BOP1: variants seen among roughly 807,000 people sequenced by gnomAD.
The protein encoded by BOP1 is ribosome biogenesis protein BOP1.
Under a neutral mutation model 82.9 loss-of-function variants are expected in BOP1, and 54 were observed. The ratio of observed to expected loss-of-function variants is 0.65; its 90% CI spans 0.52 to 0.82. The LOEUF (loss-of-function observed/expected upper bound fraction) is 0.82. Among genes scored for constraint, BOP1 ranks in the 40% least tolerant of loss-of-function variants. BOP1 has a pLI of 0.00. For missense variants in BOP1, 1,170 were observed against 1,072.0 expected (o/e 1.09, Z -1.28); for synonymous variants, 566 against 451.1 (o/e 1.25, Z -3.23).
At chr8:144,264,658 G>A (rs1372703426) in intron 5 of BOP1, 42 bp from the exon 6 acceptor site, 10 of 1,568,446 alleles carry the variant, frequency 6.4e-6, no homozygotes, top group South Asian at 1.2e-5. Flanking sequence ...AGTGGCTGAG[G>A]CCCTGCTGGT....
In BOP1 at chr8:144,264,828, G is replaced by A. The variant is rs1019158756; in HGVS notation, c.549C>T (p.Arg183=). 8.7e-6 allele frequency: 14 copies of A among 1,609,180 alleles called. No individual in the cohort carries two copies. The highest frequency in any genetic ancestry group is 7.7e-5 in the South Asian group (7 of 90,828). The change falls in exon 5 of 16, where the codon CGC becomes CGT. Residue 183 remains arginine, a synonymous_variant. Transcript: ENST00000569669. ...GCCCTGTCATCGGGTCCTGCACGGT[G>A]CGCCTGGAGACCGCCAGTCAGACCC... The part of the protein sequence containing the change: ...LDKMDDPDYW[R]TVQDPMTGRD...
rs782805509 is a variant in BOP1, at chr8:144,263,017, C to T, written c.1730G>A (p.Arg577His). The T allele has an allele frequency of 3.0e-3, 4,716 of 1,561,346 alleles. 71 individuals are homozygous for T. The African/African-American group carries it at 0.045, about 15-fold the overall frequency. The change falls in exon 13 of 16, where the codon CGC becomes CAC. Residue 577 changes from arginine (R) to histidine (H), a missense_variant. Arg to His is a conservative substitution (Grantham distance 29, BLOSUM62 0). Transcript: ENST00000569669. Reference sequence around the variant, plus strand: ...CACTCGCTGCACCTGTCCGTGGCTGCGGCGGAACGGACTCTGGCTGCGGCG... The same window carrying T: ...CACTCGCTGCACCTGTCCGTGGCTGTGGCGGAACGGACTCTGGCTGCGGCG... ...SRRRSQSPFR[R>H]SHGQVQRVAF...
At position 144,286,330 on chromosome 8, in the gene BOP1, G is replaced by A. The variant is rs371241968; in HGVS notation, c.309+2765C>T. On this transcript the variant is annotated intron_variant, in intron 2 of 15. Transcript: ENST00000569669. Reference sequence around the variant, plus strand: ...GCACAGGACACGCGGGCAGATGCACGGGCGCCATGGCAGGGCAGGGCCTCA... The same window carrying A: ...GCACAGGACACGCGGGCAGATGCACAGGCGCCATGGCAGGGCAGGGCCTCA... Among the ~76,000 whole-genome samples the A allele has an allele frequency of 7.9e-5, 12 of 151,950 alleles. No homozygotes were observed. The East Asian group carries it at 1.5e-3, about 20-fold the overall frequency.
intron 3 of BOP1, among the ~76,000 whole-genome samples, chr8:144,266,397 T>G: frequency 6.9e-6 from 1 of 145,792 alleles, no homozygotes; most frequent in East Asian, 2.2e-4. Context: ...GGGCGGGGCG[T>G]GCGCGGGGGA....
intron 3 of BOP1, chr8:144,268,017 T>C: frequency 1.3e-6 from 2 of 1,543,122 alleles, no homozygotes; most frequent in Non-Finnish European, 1.8e-6. Flanking sequence ...GCTGGCCACC[T>C]GAGATGGCAC....
chr8:144,263,001 C>A lies in BOP1; in HGVS notation c.1746G>T (p.Val582=). The A allele has an allele frequency of 1.3e-6, 2 of 1,557,886 alleles. No homozygotes were observed. Among genetic ancestry groups the A allele is most frequent in the Non-Finnish European group, 1.7e-6 (2 of 1,159,516 alleles). The part of the protein sequence containing the change: ...QSPFRRSHGQ[V]QRVAFHPARP... Reference sequence around the variant, plus strand: ...GGGCAGGGTGGAAGGCCACTCGCTGCACCTGTCCGTGGCTGCGGCGGAACG... The same window carrying A: ...GGGCAGGGTGGAAGGCCACTCGCTGAACCTGTCCGTGGCTGCGGCGGAACG... The change falls in exon 13 of 16, where the codon GTG becomes GTT. Residue 582 remains valine (V), a synonymous_variant. Coordinates refer to ENST00000569669, the MANE Select transcript of BOP1 (RefSeq NM_015201.5).
chr8:144,281,033 A>ATACCAGGTCTTCGGCCTTCTCTCACTTTC (rs1845664992), intron 2 of BOP1, among the ~76,000 whole-genome samples: 3,624 of 52,096 alleles, frequency 0.07, 130 homozygotes, highest in Middle Eastern at 0.092. Context: ...CTCTCACTTT[A>ATACCAGGTCTTCGGCCTTCTCTCACTTTC]ATACCAGGTC....
chr8:144,268,066 C>T, intron 3 of BOP1: 3 of 1,549,446 alleles, frequency 1.9e-6, no homozygotes, highest in Non-Finnish European at 2.6e-6. Flanking sequence ...TGGCGCTGGG[C>T]TCTGCCGGGG....
intron 3 of BOP1, among the ~76,000 whole-genome samples, chr8:144,275,873 A>T (rs1224734214): frequency 1.4e-5 from 1 of 73,076 alleles, no homozygotes; most frequent in Non-Finnish European, 2.6e-5. Flanking sequence ...CATGACCCCC[A>T]CCCAGACCAT....
chr8:144,267,661 G>A (rs1196956306), intron 3 of BOP1, among the ~76,000 whole-genome samples: 2 of 152,174 alleles, frequency 1.3e-5, no homozygotes, highest in East Asian at 1.9e-4. Context: ...CGCACACCAA[G>A]ACACCAGGTC....
intron 3 of BOP1, chr8:144,266,448 G>A (rs1457488693): frequency 6.3e-6 from 6 of 957,982 alleles, no homozygotes; most frequent in African/African-American, 3.5e-5. Flanking sequence ...TCGGGGCCCC[G>A]CTCCGGCCCG....
chr8:144,276,705 G>A (rs1041052878), intron 2 of BOP1, among the ~76,000 whole-genome samples: 10 of 152,206 alleles, frequency 6.6e-5, no homozygotes, highest in Non-Finnish European at 1.2e-4. Context: ...CCCACATGGC[G>A]CTCCTGCCGA....
Position 144,263,249 on chromosome 8 carries a change from C to A in BOP1, c.1577G>T (p.Gly526Val). ...LEASEEERQV[G>V]LRLRICHGKP... The stretch of plus-strand genomic sequence containing the variant: ...CCCGTGGCAGATGCGCAGCCGCAGG[C>A]CCACTTGGCGCTCCTCCTCTGAGGC... The change falls in exon 12 of 16, where the codon GGC becomes GTC. Residue 526 changes from glycine to valine, a missense_variant. Coordinates refer to ENST00000569669, the MANE Select transcript of BOP1 (RefSeq NM_015201.5). The A allele has an allele frequency of 1.3e-6, 2 of 1,594,950 alleles. No individual in the cohort carries two copies. Among genetic ancestry groups the A allele is most frequent in the Non-Finnish European group, 1.7e-6 (2 of 1,179,222 alleles).
chr8:144,275,859 C>CAACCATGACCCCCACCCA, intron 3 of BOP1, among the ~76,000 whole-genome samples: 1 of 151,898 alleles, frequency 6.6e-6, no homozygotes, highest in Non-Finnish European at 1.5e-5. Context: ...ACCCCCACCC[C>CAACCATGACCCCCACCCA]GACCATGACC....
chr8:144,267,663 C>T (rs1258788413), intron 3 of BOP1, among the ~76,000 whole-genome samples: 3 of 152,186 alleles, frequency 2.0e-5, no homozygotes, highest in South Asian at 2.1e-4. Context: ...CACACCAAGA[C>T]ACCAGGTCCT....
intron 2 of BOP1, among the ~76,000 whole-genome samples, chr8:144,278,853 G>A (rs1217923363): frequency 6.6e-6 from 1 of 152,222 alleles, no homozygotes; most frequent in Non-Finnish European, 1.5e-5. Flanking sequence ...CTCATCAACA[G>A]GTACCTAGGA....
chr8:144,262,305 C>G lies in BOP1; in HGVS notation c.2100G>C (p.Gln700His). The change falls in exon 16 of 16, where the codon CAG becomes CAC. Residue 700 changes from glutamine (Q) to histidine (H), a missense_variant. Gln to His is a conservative substitution (Grantham distance 24). Transcript: ENST00000569669. ...CHGMVYNDLL[Q>H]NPLLVPVKVL... ...CCTTGACGGGCACCAGCAAGGGGTT[C>G]TGCAGAAGGTCACTGTGGGGACGAG... The G allele has an allele frequency of 6.2e-7, 1 of 1,612,900 alleles. No individual in the cohort carries two copies. Among genetic ancestry groups the G allele is most frequent in the Non-Finnish European group, 8.5e-7 (1 of 1,179,820 alleles).
chr8:144,272,175 G>A (rs904379011), intron 3 of BOP1, among the ~76,000 whole-genome samples: 10 of 152,060 alleles, frequency 6.6e-5, no homozygotes, highest in East Asian at 5.8e-4. Context: ...ACCCCCCACC[G>A]ACACCCACCA....
rs1362644427 is a variant in BOP1 at position 144,264,529 on chromosome 8, C to G, written c.751G>C (p.Val251Leu). The G allele has an allele frequency of 1.9e-6, 3 of 1,610,156 alleles. No homozygotes were observed. Among genetic ancestry groups the G allele is most frequent in the South Asian group, 2.2e-5 (2 of 90,648 alleles). Reference protein sequence around the residue: ...ADKRSFIPSLVEKEKVSRMVH... With the variant: ...ADKRSFIPSLLEKEKVSRMVH... Reference sequence around the variant, plus strand: ...GTGTGCCCCACCTTCTCCTTCTCCACCAGGGAGGGGATGAAGCTGCGCTTG... The same window carrying G: ...GTGTGCCCCACCTTCTCCTTCTCCAGCAGGGAGGGGATGAAGCTGCGCTTG... The change falls in exon 6 of 16, where the codon GTG becomes CTG. Residue 251 changes from valine to leucine, a missense_variant. Transcript: ENST00000569669.
Sources: gnomAD v4.1 joint callset for allele counts (sites outside exome capture counted in the v4.1 genomes callset) on GRCh38, gnomAD v4.1.1 for gene constraint, MANE v1.5 for transcripts, NCBI Gene and HGNC (gene_info 2026-07-23, HGNC 2026-07-21) for gene names.